The following R3HDM1 variants were observed in gnomAD, a reference collection of about 807,000 sequenced individuals.
The protein encoded by R3HDM1 is R3H domain containing 1.
In R3HDM1, 46 loss-of-function variants were observed where a neutral mutation model predicts 141.1. The ratio of observed to expected loss-of-function variants is 0.33; its 90% CI spans 0.26 to 0.42. R3HDM1 has a LOEUF of 0.42. R3HDM1 is among the 10% of genes least tolerant of loss of function. The pLI is 1.00. For synonymous variants in R3HDM1, 435 were observed against 472.9 expected (o/e 0.92, Z 1.04); for missense variants, 1,184 against 1,368.3 (o/e 0.87, Z 2.12).
At chr2:135,704,709 C>T (rs1219791148) in intron 21 of R3HDM1, among the ~76,000 whole-genome samples, 1 of 151,174 alleles carries the variant, frequency 6.6e-6, no homozygotes, top group Non-Finnish European at 1.5e-5. Flanking sequence ...GCCGTCCTCC[C>T]CGGCCTCCCC....
At chr2:135,568,648 GC>G (rs1192143498) in intron 1 of R3HDM1, 14 of 151,986 alleles carry the variant, frequency 9.2e-5, no homozygotes, top group African/African-American at 3.4e-4. Context: ...CTTGTGCCCG[GC>G]CTGGCCACAG....
intron 1 of R3HDM1, among the ~76,000 whole-genome samples, chr2:135,585,705 C>T (rs1312902758): frequency 3.9e-5 from 6 of 151,940 alleles, no homozygotes; most frequent in South Asian, 4.2e-4. Context: ...CTTCTAAGTC[C>T]GCCACTTGAG....
At chr2:135,723,236 C>T (rs958839679) in intron 26 of R3HDM1, among the ~76,000 whole-genome samples, 10 of 151,932 alleles carry the variant, frequency 6.6e-5, no homozygotes, top group African/African-American at 2.4e-4. Context: ...GTTCTCCTGC[C>T]TCAGCCTCCC....
intron 7 of R3HDM1, chr2:135,623,085 T>C (rs528718725): frequency 1.0e-5 from 10 of 961,072 alleles, no homozygotes; most frequent in East Asian, 1.1e-4. Flanking sequence ...TATTCACTTA[T>C]GAGTTTTTGA....
At chr2:135,557,713 G>T (rs953206013) in intron 1 of R3HDM1, among the ~76,000 whole-genome samples, 9 of 152,178 alleles carry the variant, frequency 5.9e-5, no homozygotes, top group Non-Finnish European at 1.5e-5. Flanking sequence ...TTGAACTGTG[G>T]CCAGGGACTG....
At position 135,675,030 on chromosome 2, in the gene R3HDM1, A is replaced by G. The variant is rs571942310; in HGVS notation, c.2153-302A>G. ...AACTCCTGGTCCTGAGAAACTAGTT[A>G]TCATAATCGATTGTAATATGCCCTG... is the stretch of plus-strand genomic sequence containing the variant. On this transcript the variant is annotated intron_variant, in intron 19 of 26. Transcript: ENST00000683871. 4.6e-5 allele frequency among the ~76,000 whole-genome samples: 7 copies of G among 151,890 alleles called. No homozygotes were observed. The East Asian group carries it at 1.2e-3, about 25-fold the overall frequency.
intron 14 of R3HDM1, 80 bp downstream of exon 14, chr2:135,639,202 C>G: frequency 3.0e-6 from 4 of 1,339,162 alleles, no homozygotes; most frequent in Non-Finnish European, 4.2e-6. Context: ...TATCAGATGG[C>G]TTCTAATTAT....
chr2:135,531,508 G>C lies in R3HDM1; in HGVS notation c.-375G>C. On this transcript the variant is annotated 5_prime_UTR_variant, in exon 1 of 27. Coordinates refer to ENST00000683871, the MANE Select transcript of R3HDM1 (RefSeq NM_001378107.1). ...GATTCTGCCAGCCGCGGCTGCCGCT[G>C]GAGCCGGTGTCCGGGCTGGTGATGG... The C allele has an allele frequency of 1.0e-6, 1 of 985,792 alleles. No homozygotes were observed. The highest frequency in any genetic ancestry group is 1.2e-6 in the Non-Finnish European group (1 of 829,966). 61.1% of individuals were successfully genotyped at this position (985,792 alleles called of 1,614,324 possible).
At chr2:135,624,728 A>C (rs923322140) in intron 7 of R3HDM1, among the ~76,000 whole-genome samples, 2 of 152,364 alleles carry the variant, frequency 1.3e-5, no homozygotes, top group African/African-American at 2.4e-5. Context: ...GTGTTTTGGA[A>C]AGATTACTTT....
At chr2:135,660,476 A>T (rs1395704102) in intron 18 of R3HDM1, among the ~76,000 whole-genome samples, 1 of 152,216 alleles carries the variant, frequency 6.6e-6, no homozygotes, top group Non-Finnish European at 1.5e-5. Context: ...CTGACATGAC[A>T]TGATGCTTTT....
chr2:135,557,594 C>T (rs1314250415), intron 1 of R3HDM1, among the ~76,000 whole-genome samples: 2 of 152,198 alleles, frequency 1.3e-5, no homozygotes, highest in Non-Finnish European at 2.9e-5. Context: ...TACTATAAAT[C>T]CTGACTTACT....
intron 20 of R3HDM1, 41 bp from the exon 21 acceptor site, chr2:135,680,132 A>G: frequency 1.3e-6 from 2 of 1,592,418 alleles, no homozygotes; most frequent in African/African-American, 1.4e-5. Context: ...CAAGGCCTTG[A>G]AAAAAACCTT....
At chr2:135,569,566 C>T (rs1280859394) in intron 1 of R3HDM1, among the ~76,000 whole-genome samples, 2 of 152,104 alleles carry the variant, frequency 1.3e-5, no homozygotes, top group African/African-American at 2.4e-5. Flanking sequence ...AGACCACTCA[C>T]TTCAGATACT....
At chr2:135,663,660 G>A (rs895332390) in intron 19 of R3HDM1, among the ~76,000 whole-genome samples, 6 of 152,130 alleles carry the variant, frequency 3.9e-5, no homozygotes, top group Non-Finnish European at 8.8e-5. Context: ...AATTAGTGGG[G>A]ATTTGAACTC....
At chr2:135,664,217 C>G (rs1442112151) in intron 19 of R3HDM1, among the ~76,000 whole-genome samples, 1 of 151,880 alleles carries the variant, frequency 6.6e-6, no homozygotes, top group Non-Finnish European at 1.5e-5. Context: ...TCTGGGTTTC[C>G]TTTTGGTTTT....
chr2:135,641,909 C>G (rs529289888), intron 15 of R3HDM1, 119 bp downstream of exon 15: 1 of 1,238,112 alleles, frequency 8.1e-7, no homozygotes, highest in African/African-American at 1.5e-5. Flanking sequence ...TAACATTTTC[C>G]AAGAACTTTA....
At position 135,641,594 on chromosome 2, in the gene R3HDM1, G is replaced by A. The variant is rs2063796782; in HGVS notation, c.1278G>A (p.Gln426=). ...SSTGSLSHIQ[Q]PLPGTALSQS... ...CAGGCTCTCTTTCTCACATCCAGCA[G>A]CCTCTTCCAGGTACAGCTCTCAGCC... Residue 426 remains glutamine, a synonymous_variant, in exon 15 of 27, where the codon CAG becomes CAA. Transcript: ENST00000683871. 1.9e-6 allele frequency: 3 copies of A among 1,614,082 alleles called. No individual in the cohort carries two copies. Among genetic ancestry groups the A allele is most frequent in the Non-Finnish European group, 2.5e-6 (3 of 1,179,992 alleles).
chr2:135,662,075 C>T (rs915853773), intron 19 of R3HDM1, among the ~76,000 whole-genome samples: 3 of 152,160 alleles, frequency 2.0e-5, no homozygotes, highest in Non-Finnish European at 4.4e-5. Flanking sequence ...GAACTCATTT[C>T]TCTGTATGCT....
At chr2:135,541,132 C>T (rs1005577642) in intron 1 of R3HDM1, among the ~76,000 whole-genome samples, 1 of 152,068 alleles carries the variant, frequency 6.6e-6, no homozygotes, top group Non-Finnish European at 1.5e-5. Context: ...TAGCATAGTT[C>T]TTAATGGCCC....
Sources: gnomAD v4.1 joint callset for allele counts (sites outside exome capture counted in the v4.1 genomes callset) on GRCh38, gnomAD v4.1.1 for gene constraint, MANE v1.5 for transcripts, NCBI Gene and HGNC (gene_info 2026-07-23, HGNC 2026-07-21) for gene names.